Variants in TET3 observed in about 807,000 individuals in gnomAD.
TET3 encodes the protein tet methylcytosine dioxygenase 3, also known as methylcytosine dioxygenase TET3.
A neutral mutation model predicts 141.4 loss-of-function variants in TET3; 19 were observed. The ratio of observed to expected loss-of-function variants is 0.13; its 90% CI spans 0.09 to 0.20. The LOEUF (loss-of-function observed/expected upper bound fraction) is 0.20, where lower values mean the gene tolerates loss of function less well. Ranked by LOEUF, TET3 falls within the 10% of genes least tolerant of loss-of-function variation. The pLI is 1.00. For synonymous variants in TET3, 1,043 were observed against 980.9 expected (o/e 1.06, Z -1.18); for missense variants, 1,874 against 2,356.9 (o/e 0.80, Z 4.24).
At chr2:74,095,816 G>A (rs976238580) in intron 10 of TET3, among the ~76,000 whole-genome samples, 10 of 152,314 alleles carry the variant, frequency 6.6e-5, no homozygotes, top group South Asian at 2.1e-4. Context: ...TTCTTCTCAC[G>A]TATTTGTGCA....
intron 3 of TET3, among the ~76,000 whole-genome samples, chr2:74,030,667 G>A (rs943076218): frequency 6.6e-6 from 1 of 152,154 alleles, no homozygotes; most frequent in African/African-American, 2.4e-5. Flanking sequence ...GAATTAGAAG[G>A]CACCCTGGCC....
chr2:74,036,998 C>T (rs1440684350), intron 3 of TET3, among the ~76,000 whole-genome samples: 2 of 152,212 alleles, frequency 1.3e-5, no homozygotes, highest in African/African-American at 2.4e-5. Flanking sequence ...ACCACAAGAA[C>T]AACTGCCTCC....
chr2:73,984,263 G>T (rs976329267), upstream of TET3, among the ~76,000 whole-genome samples: 10 of 152,254 alleles, frequency 6.6e-5, no homozygotes, highest in Non-Finnish European at 1.5e-4. The surrounding 1 kb of genome is among the most constrained non-coding windows in gnomAD (Gnocchi z 5.6). Flanking sequence ...AGCGCGGCGC[G>T]GGGGAGGCTG....
chr2:74,057,063 G>A (rs1688259659), intron 4 of TET3, among the ~76,000 whole-genome samples: 1 of 152,184 alleles, frequency 6.6e-6, no homozygotes, highest in Admixed American at 6.5e-5. Context: ...GGATGAGGAT[G>A]GTGGGCTGGA....
At chr2:74,003,196 GCGTGTGT>G (rs1288438543) in intron 3 of TET3, 30 bp downstream of exon 3, 1 of 1,547,516 alleles carries the variant, frequency 6.5e-7, no homozygotes, top group Non-Finnish European at 8.7e-7. Context: ...GCGTGTGTGT[GCGTGTGT>G]GTGGTGGCGG....
chr2:74,129,587 C>T, the TET3 span, among the ~76,000 whole-genome samples: 1 of 151,746 alleles, frequency 6.6e-6, no homozygotes, highest in Non-Finnish European at 1.5e-5. Flanking sequence ...GCCAAGATCG[C>T]ACCACTGTGC....
chr2:74,100,799 T>G lies in TET3; in HGVS notation c.4011T>G (p.Phe1337Leu). Residue 1337 changes from phenylalanine (F) to leucine (L), a missense_variant, in exon 12 of 12, where the codon TTT (phenylalanine) becomes TTG (leucine). Physicochemically the swap from Phe to Leu is conservative, Grantham distance 22. Around this residue, in one of 10 missense-constraint regions of TET3, gnomAD observed 602 missense variants for 590.2 expected, o/e 1.02. Coordinates refer to ENST00000409262, the MANE Select transcript of TET3 (RefSeq NM_001287491.2). ...GCCCGGCCTACGGTGGTGCTGAGTT[T>G]GCCGAGCTGCCCAGCCAGGCTGTTC... ...SLSPAYGGAE[F>L]AELPSQAVPT... 1 of 1,612,872 alleles carries G rather than the reference T, an allele frequency of 6.2e-7. No individual in the cohort carries two copies. Among genetic ancestry groups the G allele is most frequent in the Non-Finnish European group, 8.5e-7 (1 of 1,179,540 alleles).
intron 3 of TET3, among the ~76,000 whole-genome samples, chr2:74,035,848 C>CTAAA (rs1225982930): frequency 6.6e-6 from 1 of 151,996 alleles, no homozygotes; most frequent in South Asian, 2.1e-4. Context: ...CCCTTCTCTA[C>CTAAA]TAAATAAATA....
intron 7 of TET3, among the ~76,000 whole-genome samples, chr2:74,088,259 G>T (rs572097618): frequency 6.6e-6 from 1 of 152,276 alleles, no homozygotes; most frequent in African/African-American, 2.4e-5. Flanking sequence ...TGACTTCACC[G>T]TTAAACCCCA....
At position 74,047,196 on chromosome 2, in the gene TET3, G is replaced by C; in HGVS notation, c.1279G>C (p.Ala427Pro). 2.5e-6 allele frequency: 4 copies of C among 1,613,936 alleles called. No homozygotes were observed. Among genetic ancestry groups the C allele is most frequent in the Non-Finnish European group, 8.5e-7 (1 of 1,179,886 alleles). The change falls in exon 4 of 12, where the codon GCA becomes CCA. Residue 427 changes from alanine to proline, a missense_variant. Around this residue, in one of 10 missense-constraint regions of TET3, gnomAD observed 484 missense variants for 462.2 expected, o/e 1.05. Transcript: ENST00000409262. ...TCCTGATAGCTCTGCCTTCCCTCCA[G>C]CAACTCCTAGAACTGAGTTCCCTGA... ...FAPDSSAFPP[A>P]TPRTEFPEAW... is the part of the protein sequence containing the mutation.
intron 3 of TET3, among the ~76,000 whole-genome samples, chr2:74,045,303 T>C (rs925455286): frequency 2.6e-5 from 4 of 152,258 alleles, no homozygotes; most frequent in South Asian, 2.1e-4. Flanking sequence ...ATTTTAGAGA[T>C]GCTTTGAGAC....
the TET3 span, among the ~76,000 whole-genome samples, chr2:74,116,180 G>C: frequency 2.6e-5 from 4 of 152,024 alleles, no homozygotes; most frequent in Non-Finnish European, 5.9e-5. Context: ...GTCATCTCAG[G>C]ATAGCTATTA....
At chr2:74,042,955 C>T (rs554322869) in intron 3 of TET3, among the ~76,000 whole-genome samples, 1 of 152,302 alleles carries the variant, frequency 6.6e-6, no homozygotes, top group Non-Finnish European at 1.5e-5. Flanking sequence ...GAGCATTTTC[C>T]TTCCCAGGGA....
chr2:74,067,722 A>G (rs1029439528), intron 4 of TET3, among the ~76,000 whole-genome samples: 18 of 151,120 alleles, frequency 1.2e-4, no homozygotes, highest in Non-Finnish European at 1.9e-4. Context: ...AAAGAAAGGG[A>G]AAAAAAATGA....
At chr2:74,024,805 T>C (rs1362012430) in intron 3 of TET3, among the ~76,000 whole-genome samples, 1 of 152,220 alleles carries the variant, frequency 6.6e-6, no homozygotes, top group Non-Finnish European at 1.5e-5. Context: ...TTTCAGAGTT[T>C]TACAAAAGTT....
At chr2:74,039,562 A>G (rs1687237505) in intron 3 of TET3, among the ~76,000 whole-genome samples, 1 of 152,252 alleles carries the variant, frequency 6.6e-6, no homozygotes, top group Non-Finnish European at 1.5e-5. Context: ...ACAGTAGTAT[A>G]AAACAGTAAT....
Position 74,093,756 on chromosome 2 carries a change from G to C in TET3, c.3267+90G>C. ...TTTTCAGAAAGGCAGGCTGAGGGTA[G>C]GGAGGGACCTGGAGACAGGATCCTC... On this transcript the variant is annotated intron_variant, in intron 10 of 11. Coordinates refer to ENST00000409262, the MANE Select transcript of TET3 (RefSeq NM_001287491.2). This position sits in a 1 kb window ranked among gnomAD's most constrained non-coding sequence, Gnocchi z 4.2. 1 of 1,424,684 alleles carries C rather than the reference G, an allele frequency of 7.0e-7. No homozygotes were observed. The highest frequency in any genetic ancestry group is 9.3e-7 in the Non-Finnish European group (1 of 1,080,416). The allele number at this position is 1,424,684 out of a possible 1,614,324, so 88.3% of individuals were successfully genotyped here.
At chr2:73,993,116 A>G (rs370145850) in intron 2 of TET3, 1 of 152,188 alleles carries the variant, frequency 6.6e-6, no homozygotes, top group Non-Finnish European at 1.5e-5. Context: ...CCCACTCCCA[A>G]GGGATTCTGA....
At chr2:74,062,073 T>G (rs1430962822) in intron 4 of TET3, among the ~76,000 whole-genome samples, 5 of 152,142 alleles carry the variant, frequency 3.3e-5, no homozygotes, top group African/African-American at 4.8e-5. Flanking sequence ...GGCAGGTGGC[T>G]GGGAGGTGGA....
Sources: gnomAD v4.1 joint callset for allele counts (sites outside exome capture counted in the v4.1 genomes callset) on GRCh38, gnomAD v4.1.1 for gene constraint, gnomAD v4.1.1 regional missense constraint, Gnocchi (gnomAD v3.1) non-coding constraint, MANE v1.5 for transcripts, NCBI Gene and HGNC (gene_info 2026-07-23, HGNC 2026-07-21) for gene names.